The following PTPRD variants were observed in gnomAD, a reference collection of about 807,000 sequenced individuals.
The protein encoded by PTPRD is receptor-type tyrosine-protein phosphatase delta.
Under a neutral mutation model 214.5 loss-of-function variants are expected in PTPRD, and 34 were observed. The observed-to-expected ratio is 0.16, with a 90% confidence interval of 0.12 to 0.21. PTPRD has a LOEUF of 0.21. PTPRD is among the 10% of genes least tolerant of loss of function. The pLI is 1.00. For synonymous variants in PTPRD, 1,128 were observed against 845.7 expected (o/e 1.33, Z -5.79); for missense variants, 2,545 against 2,398.7 (o/e 1.06, Z -1.27).
At chr9:9,972,577 T>C (rs1003696763) in intron 4 of PTPRD, among the ~76,000 whole-genome samples, 42 of 152,312 alleles carry the variant, frequency 2.8e-4, no homozygotes, top group African/African-American at 1.0e-3. Flanking sequence ...ATATACACAT[T>C]ACAAATATAG....
intron 3 of PTPRD, among the ~76,000 whole-genome samples, chr9:10,142,034 T>C (rs1440955732): frequency 6.6e-6 from 1 of 152,092 alleles, no homozygotes; most frequent in Non-Finnish European, 1.5e-5. Context: ...AAGGATTCCC[T>C]ATTTAATAAA....
At chr9:9,655,491 C>T (rs2096486571) in intron 7 of PTPRD, among the ~76,000 whole-genome samples, 1 of 151,758 alleles carries the variant, frequency 6.6e-6, no homozygotes, top group Admixed American at 6.6e-5. Flanking sequence ...ATTGCTTGAA[C>T]CCAGGAGGCA....
intron 5 of PTPRD, among the ~76,000 whole-genome samples, chr9:9,880,009 C>T (rs2068131364): frequency 6.6e-6 from 1 of 152,098 alleles, no homozygotes; most frequent in Non-Finnish European, 1.5e-5. Flanking sequence ...TGTCCCCACC[C>T]AAATCTCATC....
rs926304941 is a variant in PTPRD, at chr9:9,824,826, C to T, written c.-367-57975G>A. Among the ~76,000 whole-genome samples, 27 of 151,956 alleles carry T rather than the reference C, an allele frequency of 1.8e-4. 1 individual carries two copies. The highest frequency in any genetic ancestry group is 5.9e-5 in the Non-Finnish European group (4 of 67,942). ...AAATCTTGCCTGGTAAGACAAAGCT[C>T]ATCACAAAATACAAACTGCTCTATA... On this transcript the variant is annotated intron_variant, in intron 5 of 45. Coordinates refer to ENST00000381196, the MANE Select transcript of PTPRD (RefSeq NM_002839.4).
In PTPRD at chr9:10,419,552, T is replaced by C. The variant is rs1420354139; in HGVS notation, c.-599-78535A>G. On this transcript the variant is annotated intron_variant, in intron 2 of 45. Transcript: ENST00000381196. ...CTTTATATTATCATCAGCAAATAAA[T>C]CAGGTCAGAATATACATGATATACT... Among the ~76,000 whole-genome samples, 4 of 151,812 alleles carry C rather than the reference T, an allele frequency of 2.6e-5. No individual in the cohort carries two copies. The East Asian group carries it at 7.8e-4, about 30-fold the overall frequency.
intron 33 of PTPRD, 93 bp from the exon 34 acceptor site, chr9:8,449,930 C>CCAAGTTTTCAGTTTTA (rs1258432448): frequency 2.1e-5 from 26 of 1,252,310 alleles, no homozygotes; most frequent in Admixed American, 2.0e-5. Context: ...CCCCCACCTC[C>CCAAGTTTTCAGTTTTA]CAAGTTTTCA....
chr9:8,773,832 G>A (rs2095342462), intron 11 of PTPRD, among the ~76,000 whole-genome samples: 2 of 152,176 alleles, frequency 1.3e-5, no homozygotes, highest in African/African-American at 4.8e-5. Flanking sequence ...ACTTGCACAT[G>A]CTGTTTCCTG....
chr9:10,384,236 A>G (rs1269404393), intron 2 of PTPRD, among the ~76,000 whole-genome samples: 1 of 151,850 alleles, frequency 6.6e-6, no homozygotes, highest in African/African-American at 2.4e-5. Context: ...ACTATTTCAC[A>G]TGATGTGAAC....
At chr9:8,946,755 T>G (rs867013231) in intron 11 of PTPRD, among the ~76,000 whole-genome samples, 5 of 152,182 alleles carry the variant, frequency 3.3e-5, no homozygotes, top group Non-Finnish European at 7.3e-5. Context: ...AGAAGGAAAG[T>G]ATCATGCAGG....
At chr9:8,376,946 T>C (rs1381127629) in intron 37 of PTPRD, among the ~76,000 whole-genome samples, 2 of 152,148 alleles carry the variant, frequency 1.3e-5, no homozygotes, top group East Asian at 3.9e-4. Flanking sequence ...CAGTAACAGA[T>C]TCAATTTTCC....
At chr9:10,330,872 G>A (rs926395487) in intron 3 of PTPRD, among the ~76,000 whole-genome samples, 1 of 151,762 alleles carries the variant, frequency 6.6e-6, no homozygotes, top group Non-Finnish European at 1.5e-5. Context: ...TGCATGTGTG[G>A]CTCACTGGTA....
At chr9:10,562,318 A>G (rs2064204589) in intron 2 of PTPRD, among the ~76,000 whole-genome samples, 1 of 149,044 alleles carries the variant, frequency 6.7e-6, no homozygotes, top group Non-Finnish European at 1.5e-5. Flanking sequence ...ATGTAATGAA[A>G]TGTTCGTTAA....
At chr9:8,551,924 A>C (rs2082219855) in intron 14 of PTPRD, among the ~76,000 whole-genome samples, 1 of 152,216 alleles carries the variant, frequency 6.6e-6, no homozygotes. Flanking sequence ...TGTTGAACTA[A>C]GCAAATAAGT....
intron 14 of PTPRD, among the ~76,000 whole-genome samples, chr9:8,551,457 T>C (rs1224780530): frequency 2.0e-5 from 3 of 152,202 alleles, no homozygotes; most frequent in African/African-American, 7.2e-5. Flanking sequence ...CAGATCTTTT[T>C]TCTTTCTCTT....
At chr9:8,734,118 G>A (rs946078882) in intron 11 of PTPRD, among the ~76,000 whole-genome samples, 172 bp from the exon 12 acceptor site, 2 of 152,152 alleles carry the variant, frequency 1.3e-5, no homozygotes, top group African/African-American at 4.8e-5. Flanking sequence ...AAATAACTTG[G>A]TTTGTAAAAT....
intron 10 of PTPRD, among the ~76,000 whole-genome samples, chr9:9,172,582 T>C (rs183895025): frequency 6.6e-6 from 1 of 152,280 alleles, no homozygotes; most frequent in Non-Finnish European, 1.5e-5. Flanking sequence ...AATTGGCTTA[T>C]TCATGATAGA....
rs1316571345 is a variant in PTPRD at position 10,047,312 on chromosome 9, C to CGTGTGTGTGTGTGTGTGTG, written c.-544-13523_-544-13522insCACACACACACACACACAC. ...GTAAAATGAAGATAAAATCAACTAA[C>CGTGTGTGTGTGTGTGTGTG]TGTGTGTGTGTGTGTGTGTGTGTGT... is the stretch of plus-strand genomic sequence containing the variant. On this transcript the variant is annotated intron_variant, in intron 3 of 45. Coordinates refer to ENST00000381196, the MANE Select transcript of PTPRD (RefSeq NM_002839.4). 8.3e-3 allele frequency among the ~76,000 whole-genome samples: 1,145 copies of CGTGTGTGTGTGTGTGTGTG among 138,740 alleles called. 36 individuals are homozygous for CGTGTGTGTGTGTGTGTGTG. Among genetic ancestry groups the CGTGTGTGTGTGTGTGTGTG allele is most frequent in the Admixed American group, 0.059 (791 of 13,480 alleles). The allele number at this position is 138,740 out of a possible 152,430, so 91.0% of individuals were successfully genotyped here.
chr9:9,705,254 A>T (rs1246634341), intron 7 of PTPRD, among the ~76,000 whole-genome samples: 1 of 152,206 alleles, frequency 6.6e-6, no homozygotes, highest in East Asian at 1.9e-4. Context: ...GTGCTGAATT[A>T]CTATAAATGA....
At chr9:9,382,427 T>C (rs1171137241) in intron 9 of PTPRD, among the ~76,000 whole-genome samples, 2 of 152,032 alleles carry the variant, frequency 1.3e-5, no homozygotes, top group African/African-American at 2.4e-5. Context: ...AAACCATATA[T>C]ATGATAAAGG....
Sources: gnomAD v4.1 joint callset for allele counts (sites outside exome capture counted in the v4.1 genomes callset) on GRCh38, gnomAD v4.1.1 for gene constraint, MANE v1.5 for transcripts, NCBI Gene and HGNC (gene_info 2026-07-23, HGNC 2026-07-21) for gene names.